Variants in RP2 observed in about 807,000 individuals in gnomAD.
RP2 encodes protein XRP2.
Under a neutral mutation model 20.3 loss-of-function variants are expected in RP2, and 3 were observed. The ratio of observed to expected loss-of-function variants is 0.15; its 90% CI spans 0.07 to 0.38. RP2 has a LOEUF of 0.38. Ranked by LOEUF, RP2 falls within the 10% of genes least tolerant of loss-of-function variation. The probability of loss-of-function intolerance (pLI) is 1.00; values close to 1 mark genes in which losing one functional copy is unlikely to be tolerated. For missense variants in RP2, 233 were observed against 268.5 expected (o/e 0.87, Z 0.92); for synonymous variants, 75 against 94.8 (o/e 0.79, Z 1.22).
chrX:46,849,793 G>A (rs1359948116), intron 1 of RP2, among the ~76,000 whole-genome samples: 1 of 111,677 alleles, frequency 9.0e-6, no homozygotes, highest in Non-Finnish European at 1.9e-5. Context: ...CAGCTGTTAT[G>A]GACTGAATGT....
chrX:46,847,787 C>CATATGTGTGTGTGTATATACACACAT (rs371505091), intron 1 of RP2, among the ~76,000 whole-genome samples: 45 of 82,653 alleles, frequency 5.4e-4, no homozygotes, highest in African/African-American at 2.0e-3. Context: ...TACATACACA[C>CATATGTGTGTGTGTATATACACACAT]ATGTGTGTGT....
intron 3 of RP2, among the ~76,000 whole-genome samples, chrX:46,869,447 G>A (rs1295491226): frequency 3.8e-5 from 4 of 104,212 alleles, no homozygotes; most frequent in Non-Finnish European, 3.9e-5. Context: ...TTACAGGCAC[G>A]CCACCACGCC....
intron 2 of RP2, among the ~76,000 whole-genome samples, chrX:46,859,066 C>T (rs1407116256): frequency 2.7e-5 from 3 of 111,341 alleles, no homozygotes; most frequent in Admixed American, 9.6e-5. Flanking sequence ...ATACCTACTT[C>T]GTGAGAGGGT....
chrX:46,844,538 A>G (rs1442791509), intron 1 of RP2, among the ~76,000 whole-genome samples: 1 of 111,275 alleles, frequency 9.0e-6, no homozygotes, highest in Non-Finnish European at 1.9e-5. Flanking sequence ...ATAGTATTCC[A>G]TGGTGTTTAT....
In RP2 at chrX:46,866,203, G is replaced by A. The variant is rs146796555; in HGVS notation, c.883+6101G>A. Among the ~76,000 whole-genome samples, 16 of 111,475 alleles carry A rather than the reference G, an allele frequency of 1.4e-4. No individual in the cohort carries two copies. In the East Asian group the frequency reaches 4.2e-3, roughly 29 times the overall value. ...AGTATCAACCATTTCTCCAAGGAAC[G>A]CTGGTTTCTTTTATTCTAGAATGAT... On this transcript the variant is annotated intron_variant, in intron 3 of 4. Coordinates refer to ENST00000218340, the MANE Select transcript of RP2 (RefSeq NM_006915.3).
intron 1 of RP2, among the ~76,000 whole-genome samples, chrX:46,842,151 G>T (rs911171242): frequency 2.7e-5 from 3 of 111,939 alleles, no homozygotes; most frequent in African/African-American, 9.8e-5. Context: ...CTGGCCGCAG[G>T]CAATCTGCCT....
intron 4 of RP2, among the ~76,000 whole-genome samples, chrX:46,878,376 C>CAA (rs1327301086): frequency 6.5e-4 from 28 of 43,389 alleles, no homozygotes; most frequent in African/African-American, 1.9e-3. Context: ...GACTCTGTCT[C>CAA]AAAAAAAAAA....
At position 46,879,782 on chromosome X, in the gene RP2, A is replaced by G; in HGVS notation, c.*13A>G. On this transcript the variant is annotated 3_prime_UTR_variant, in exon 5 of 5. Transcript: ENST00000218340. ...GATGGGAATATGAAGTGCAATGTGGAACCAGGACTTGGTATTAAGCCTTTC... is the reference window on the plus strand; with the variant it reads ...GATGGGAATATGAAGTGCAATGTGGGACCAGGACTTGGTATTAAGCCTTTC... The G allele has an allele frequency of 9.1e-7, 1 of 1,096,886 alleles. No homozygotes were observed. The highest frequency in any genetic ancestry group is 2.0e-5 in the South Asian group (1 of 50,876). The allele number at this position is 1,096,886 out of a possible 1,213,427, so 90.4% of individuals were successfully genotyped here. A position where few individuals can be genotyped will look rare whatever the true frequency, so the allele number is the denominator to read the frequency against.
intron 1 of RP2, among the ~76,000 whole-genome samples, chrX:46,847,044 A>G (rs1032719926): frequency 1.8e-5 from 2 of 111,957 alleles, no homozygotes; most frequent in Non-Finnish European, 3.8e-5. Flanking sequence ...TTAAAAAAAA[A>G]TGTTTAGCCA....
At chrX:46,863,455 C>G (rs1925113173) in intron 3 of RP2, among the ~76,000 whole-genome samples, 1 of 112,053 alleles carries the variant, frequency 8.9e-6, no homozygotes, top group East Asian at 2.8e-4. Context: ...AACTTTTAAG[C>G]TGCTCAGCAG....
intron 1 of RP2, among the ~76,000 whole-genome samples, chrX:46,852,436 A>T (rs782051905): frequency 6.1e-4 from 69 of 112,285 alleles, no homozygotes; most frequent in Non-Finnish European, 7.7e-4. Flanking sequence ...ACATATTGTG[A>T]TTCTTGTGCC....
Position 46,877,576 on chromosome X carries a change from T to C in RP2, c.955T>C (p.Phe319Leu), listed in dbSNP as rs2147089319. The C allele has an allele frequency of 8.5e-7, 1 of 1,179,498 alleles. No individual in the cohort carries two copies. The change falls in exon 4 of 5, where the codon TTC (phenylalanine) becomes CTC (leucine). Residue 319 changes from phenylalanine to leucine, a missense_variant. Transcript: ENST00000218340. ...ATGTCAACTTATTGTAAACGAGATATTCAATGGGACCAAGGTACAAGATTT... is the reference window on the plus strand; with the variant it reads ...ATGTCAACTTATTGTAAACGAGATACTCAATGGGACCAAGGTACAAGATTT... ...EVCQLIVNEI[F>L]NGTKMFVSES...
chrX:46,843,136 C>T (rs1277758402), intron 1 of RP2, among the ~76,000 whole-genome samples: 1 of 108,859 alleles, frequency 9.2e-6, no homozygotes, highest in Non-Finnish European at 1.9e-5. Flanking sequence ...GCCTCCCCAG[C>T]AGCTGAGATT....
intron 1 of RP2, 38 bp downstream of exon 1, chrX:46,837,240 G>T (rs1556313598): frequency 8.8e-7 from 1 of 1,133,976 alleles, no homozygotes; most frequent in South Asian, 1.9e-5. Flanking sequence ...CAGCCTCCCT[G>T]AGCCGCTCCG....
At chrX:46,847,766 A>ATG (rs1271483653) in intron 1 of RP2, among the ~76,000 whole-genome samples, 3 of 60,309 alleles carry the variant, frequency 5.0e-5, no homozygotes, top group African/African-American at 8.4e-5. Context: ...ATATACACAC[A>ATG]TGTGTGTGTG....
chrX:46,850,505 A>G (rs1243843061), intron 1 of RP2, among the ~76,000 whole-genome samples: 1 of 111,933 alleles, frequency 8.9e-6, no homozygotes, highest in Non-Finnish European at 1.9e-5. Context: ...GCTTTATATA[A>G]TACGGTTTCT....
chrX:46,858,215 G>C (rs1163334565), intron 2 of RP2, among the ~76,000 whole-genome samples: 1 of 111,644 alleles, frequency 9.0e-6, no homozygotes, highest in Non-Finnish European at 1.9e-5. Context: ...TTAGGCAGTT[G>C]ATTAACAGCA....
At position 46,837,144 on chromosome X, in the gene RP2, C is replaced by T. The variant is rs1556313479; in HGVS notation, c.44C>T (p.Ser15Leu). Residue 15 changes from serine to leucine, a missense_variant, in exon 1 of 5, where the codon TCG becomes TTG. Physicochemically the swap from Ser to Leu is moderately radical, Grantham distance 145. Transcript: ENST00000218340. ...FSKRRKADKE[S>L]RPENEEERPK... ...AAGAGACGGAAGGCTGACAAGGAGT[C>T]GCGGCCCGAGAACGAGGAGGAGCGG... 7 of 1,170,809 alleles carry T rather than the reference C, an allele frequency of 6.0e-6. No homozygotes were observed. In the East Asian group the frequency reaches 2.3e-4, roughly 38 times the overall value.
At chrX:46,878,517 T>G (rs1489857538) in intron 4 of RP2, among the ~76,000 whole-genome samples, 2 of 112,082 alleles carry the variant, frequency 1.8e-5, no homozygotes, top group African/African-American at 6.5e-5. Flanking sequence ...AATTGACTAC[T>G]TTTTGATAAA....
Sources: allele counts gnomAD v4.1 joint callset (sites outside exome capture counted in the v4.1 genomes callset), GRCh38; gene constraint gnomAD v4.1.1; transcripts MANE v1.5; gene names NCBI Gene and HGNC (gene_info 2026-07-23, HGNC 2026-07-21).